The following TET3 variants were observed in gnomAD, a reference collection of about 807,000 sequenced individuals.
TET3 encodes the protein methylcytosine dioxygenase TET3.
Under a neutral mutation model 141.4 loss-of-function variants are expected in TET3, and 19 were observed. The observed-to-expected ratio is 0.13, with a 90% CI of 0.09 to 0.20. TET3 has a LOEUF of 0.20. TET3 is among the 10% of genes least tolerant of loss of function. The probability of loss-of-function intolerance (pLI) is 1.00; values close to 1 mark genes in which losing one functional copy is unlikely to be tolerated. For missense variants in TET3, 1,874 were observed against 2,356.9 expected (o/e 0.80, Z 4.24); for synonymous variants, 1,043 against 980.9 (o/e 1.06, Z -1.18).
intron 3 of TET3, among the ~76,000 whole-genome samples, chr2:74,023,781 A>G (rs1686194639): frequency 6.6e-6 from 1 of 152,342 alleles, no homozygotes; most frequent in East Asian, 1.9e-4. Flanking sequence ...CATTTCACAG[A>G]TGGTGGTTAT....
chr2:74,049,929 A>G (rs1041419113), intron 4 of TET3, among the ~76,000 whole-genome samples: 13 of 152,060 alleles, frequency 8.5e-5, no homozygotes, highest in Non-Finnish European at 1.5e-4. Context: ...CTTAGATATG[A>G]CTAGTAACGA....
chr2:74,077,914 C>G (rs1307927747), intron 5 of TET3, among the ~76,000 whole-genome samples: 1 of 152,220 alleles, frequency 6.6e-6, no homozygotes, highest in Non-Finnish European at 1.5e-5. Flanking sequence ...CTGATAAATG[C>G]TTGTTGAAAT....
the TET3 span, chr2:74,134,531 G>C: frequency 9.0e-5 from 32 of 354,158 alleles, no homozygotes; most frequent in Middle Eastern, 1.0e-3. Context: ...AGAACCAATA[G>C]TGACCCCTAA....
In TET3 at chr2:74,100,499, G is replaced by T. The variant is rs779946079; in HGVS notation, c.3711G>T (p.Val1237=). The T allele has an allele frequency of 1.2e-6, 2 of 1,604,244 alleles. No individual in the cohort carries two copies. The highest frequency in any genetic ancestry group is 1.7e-6 in the Non-Finnish European group (2 of 1,175,572). Residue 1237 remains valine (V), a synonymous_variant, in exon 12 of 12, where the codon GTG becomes GTT. Transcript: ENST00000409262. ...TCAAGTACAGCGGCAACGCGGTGGTGGAGAGCTACTCGGTGCTGGGCAACT... is the reference window on the plus strand; with the variant it reads ...TCAAGTACAGCGGCAACGCGGTGGTTGAGAGCTACTCGGTGCTGGGCAACT... ...SSFKYSGNAV[V]ESYSVLGNCR...
At chr2:74,060,602 G>T (rs1027860678) in intron 4 of TET3, among the ~76,000 whole-genome samples, 3 of 152,050 alleles carry the variant, frequency 2.0e-5, no homozygotes, top group African/African-American at 7.2e-5. Flanking sequence ...TAGGACAATA[G>T]TGGAGGGAAG....
At chr2:74,112,810 GGCC>G (rs1691733235), downstream of TET3, among the ~76,000 whole-genome samples, 1 of 151,716 alleles carries the variant, frequency 6.6e-6, no homozygotes, top group Non-Finnish European at 1.5e-5. Context: ...AGACCAGCCT[GGCC>G]AACACGGTGA....
chr2:74,002,471 G>A (rs1684903332), intron 2 of TET3, among the ~76,000 whole-genome samples: 1 of 152,122 alleles, frequency 6.6e-6, no homozygotes, highest in African/African-American at 2.4e-5. Flanking sequence ...TACCTTCGGG[G>A]TCCCCGCGGG....
Position 74,093,285 on chromosome 2 carries a change from T to G in TET3, c.3130-244T>G, listed in dbSNP as rs557358593. On this transcript the variant is annotated intron_variant, in intron 9 of 11. Transcript: ENST00000409262. The surrounding 1 kb of genome is among the most constrained non-coding windows in gnomAD (Gnocchi z 4.2). ...CCCGAGTTTCTCTCACCTGTCACCC[T>G]TGTATCTCCTAGACAAGGCAAGGGG... Among the ~76,000 whole-genome samples, 102 of 152,296 alleles carry G rather than the reference T, an allele frequency of 6.7e-4. No homozygotes were observed. The highest frequency in any genetic ancestry group is 1.3e-3 in the Non-Finnish European group (91 of 68,010).
intron 6 of TET3, among the ~76,000 whole-genome samples, chr2:74,081,474 G>T (rs1411981733): frequency 6.6e-6 from 1 of 152,248 alleles, no homozygotes; most frequent in Admixed American, 6.5e-5. Context: ...TGATGCTGTG[G>T]TTCAGAGGAG....
intron 3 of TET3, among the ~76,000 whole-genome samples, chr2:74,038,402 A>C (rs1006349496): frequency 2.6e-5 from 4 of 152,178 alleles, no homozygotes; most frequent in Non-Finnish European, 5.9e-5. Context: ...TGGGATGGGC[A>C]TACCCCCTTT....
chr2:74,012,997 G>GTT (rs369187164), intron 3 of TET3, among the ~76,000 whole-genome samples: 53 of 135,072 alleles, frequency 3.9e-4, no homozygotes, highest in Admixed American at 2.2e-3. Context: ...GTAATGGGGT[G>GTT]TTTTTTTTTT....
chr2:74,073,623 G>C lies in TET3; in HGVS notation c.2569G>C (p.Glu857Gln). 1 of 1,611,414 alleles carries C rather than the reference G, an allele frequency of 6.2e-7. No individual in the cohort carries two copies. Among genetic ancestry groups the C allele is most frequent in the Non-Finnish European group, 8.5e-7 (1 of 1,178,894 alleles). ...GSGPTVASIR[E>Q]LMEERYGEKG... The stretch of plus-strand genomic sequence containing the variant: ...TGGCCCCACGGTCGCCTCTATCCGG[G>C]AACTCATGGAGGAGCGGTGAGTGAT... The change falls in exon 5 of 12, where the codon GAA (glutamate) becomes CAA (glutamine). Residue 857 changes from glutamate to glutamine, a missense_variant. Transcript: ENST00000409262.
At chr2:73,985,516 G>T (rs1314081399) in intron 1 of TET3, among the ~76,000 whole-genome samples, 1 of 145,914 alleles carries the variant, frequency 6.9e-6, no homozygotes, top group African/African-American at 2.5e-5. Context: ...GCGCTCCGGC[G>T]GCGGGCGCGG....
intron 3 of TET3, among the ~76,000 whole-genome samples, chr2:74,042,162 G>A (rs1687374542): frequency 6.6e-6 from 1 of 152,224 alleles, no homozygotes; most frequent in Non-Finnish European, 1.5e-5. Context: ...GGCCCTTTCA[G>A]CCTGTAGTTC....
At chr2:74,034,661 T>A (rs1437862346) in intron 3 of TET3, among the ~76,000 whole-genome samples, 1 of 151,972 alleles carries the variant, frequency 6.6e-6, no homozygotes, top group Non-Finnish European at 1.5e-5. Flanking sequence ...CTCTATAATA[T>A]TCCATTGTCC....
At chr2:74,109,625 G>T (rs898503147), downstream of TET3, among the ~76,000 whole-genome samples, 2 of 152,160 alleles carry the variant, frequency 1.3e-5, no homozygotes, top group African/African-American at 2.4e-5. Context: ...GCTGAGAAGC[G>T]TTGCAGTAAA....
At chr2:74,111,005 C>A (rs555076198), downstream of TET3, among the ~76,000 whole-genome samples, 1 of 152,328 alleles carries the variant, frequency 6.6e-6, no homozygotes, top group East Asian at 1.9e-4. Context: ...CCATACCACT[C>A]ACTCACCTGT....
chr2:74,030,960 AT>A (rs556008427), intron 3 of TET3, among the ~76,000 whole-genome samples: 3 of 151,640 alleles, frequency 2.0e-5, no homozygotes, highest in Admixed American at 6.6e-5. Flanking sequence ...TCTTAACGTG[AT>A]TTTTTTTTGT....
At chr2:74,098,103 T>C (rs1368813998) in intron 10 of TET3, among the ~76,000 whole-genome samples, 1 of 152,162 alleles carries the variant, frequency 6.6e-6, no homozygotes, top group African/African-American at 2.4e-5. Context: ...ATAGGAAAGT[T>C]GAAACACATT....
Sources: allele counts gnomAD v4.1 joint callset (sites outside exome capture counted in the v4.1 genomes callset), GRCh38; gene constraint gnomAD v4.1.1; non-coding constraint Gnocchi (gnomAD v3.1); transcripts MANE v1.5; gene names NCBI Gene and HGNC (gene_info 2026-07-23, HGNC 2026-07-21).